The following SLC25A48 variants were observed in gnomAD, a reference collection of about 807,000 sequenced individuals.
SLC25A48 encodes solute carrier family 25 member 48, also known as CTC-321K16.1.
SLC25A48 carries 29 observed loss-of-function variants against 32.2 expected under a neutral mutation model. The ratio of observed to expected loss-of-function variants is 0.90; its 90% confidence interval spans 0.67 to 1.23. The LOEUF (loss-of-function observed/expected upper bound fraction) is 1.23, where lower values mean the gene tolerates loss of function less well. Among genes scored for constraint, SLC25A48 ranks in the 50% most tolerant of loss-of-function variants. The pLI is 0.00. For synonymous variants in SLC25A48, 164 were observed against 172.3 expected, an observed-to-expected ratio of 0.95 and a Z score of 0.38; for missense variants, 399 against 422.7, an observed-to-expected ratio of 0.94 and a Z score of 0.49.
At chr5:135,693,765 G>A (rs549720936) in intron 3 of SLC25A48, among the ~76,000 whole-genome samples, 1 of 152,268 alleles carries the variant, frequency 6.6e-6, no homozygotes, top group South Asian at 2.1e-4. Flanking sequence ...AAAAGGAGGG[G>A]GTCTGAGGGA....
chr5:135,853,677 C>G (rs547521219), intron 4 of SLC25A48, among the ~76,000 whole-genome samples: 2 of 152,320 alleles, frequency 1.3e-5, no homozygotes, highest in South Asian at 4.1e-4. Flanking sequence ...TCCATGGAAG[C>G]CTTGAAGCTC....
intron 3 of SLC25A48, among the ~76,000 whole-genome samples, chr5:135,800,270 T>C (rs1477248792): frequency 1.3e-5 from 2 of 151,856 alleles, no homozygotes; most frequent in Non-Finnish European, 2.9e-5. Flanking sequence ...GAGTTTGATG[T>C]TAGTCCAAAT....
chr5:135,866,040 C>T (rs1455176700), intron 4 of SLC25A48, among the ~76,000 whole-genome samples: 1 of 152,194 alleles, frequency 6.6e-6, no homozygotes, highest in Admixed American at 6.5e-5. Flanking sequence ...AAATGACTCC[C>T]ACTGGCTGAG....
At chr5:135,812,583 T>G (rs1757615629) in exon 4 of SLC25A48, 4 of 152,314 alleles carry the variant, frequency 2.6e-5, no homozygotes, top group African/African-American at 9.6e-5. Context: ...GATGTCTTCC[T>G]AGGACTCTCC....
intron 3 of SLC25A48, among the ~76,000 whole-genome samples, chr5:135,770,657 C>A (rs1467998154): frequency 6.6e-6 from 1 of 151,564 alleles, no homozygotes; most frequent in Non-Finnish European, 1.5e-5. Flanking sequence ...AAAGTGTACA[C>A]CCCCTCGCGA....
At chr5:135,664,278 A>T (rs1238447169) in intron 3 of SLC25A48, among the ~76,000 whole-genome samples, 1 of 152,214 alleles carries the variant, frequency 6.6e-6, no homozygotes, top group Non-Finnish European at 1.5e-5. Context: ...CTGATCCAGC[A>T]CATTGTGCCT....
At chr5:135,698,416 A>C (rs1251880896) in intron 3 of SLC25A48, among the ~76,000 whole-genome samples, 1 of 152,130 alleles carries the variant, frequency 6.6e-6, no homozygotes, top group Non-Finnish European at 1.5e-5. Context: ...CATGACTCTA[A>C]CAAAAGTCTT....
At chr5:135,639,223 C>T (rs1295489049) in intron 3 of SLC25A48, among the ~76,000 whole-genome samples, 2 of 152,156 alleles carry the variant, frequency 1.3e-5, no homozygotes, top group African/African-American at 2.4e-5. Context: ...TATAATGGTT[C>T]TAAGATCATC....
At chr5:135,886,605 ATATATATATATATATATATATATATATAT>A (rs1762724580) in intron 7 of SLC25A48, among the ~76,000 whole-genome samples, 6 of 19,180 alleles carry the variant, frequency 3.1e-4, no homozygotes, top group South Asian at 3.2e-3. Flanking sequence ...ATATATATAT[ATATATATATATATATATATATATATATAT>A]ATAAAATATA....
At chr5:135,706,446 T>C (rs1230504319) in intron 3 of SLC25A48, among the ~76,000 whole-genome samples, 2 of 152,148 alleles carry the variant, frequency 1.3e-5, no homozygotes, top group Admixed American at 6.5e-5. Flanking sequence ...TGGTTAACAA[T>C]ATTACCCACC....
intron 1 of SLC25A48, among the ~76,000 whole-genome samples, chr5:135,601,806 G>C (rs181067254): frequency 1.3e-5 from 2 of 152,348 alleles, no homozygotes; most frequent in South Asian, 4.1e-4. Context: ...GGGAGGTCAC[G>C]TGTGCAAGCT....
At chr5:135,640,459 A>G (rs749253278) in intron 3 of SLC25A48, among the ~76,000 whole-genome samples, 4 of 152,184 alleles carry the variant, frequency 2.6e-5, no homozygotes, top group Non-Finnish European at 4.4e-5. Flanking sequence ...ACCAAGGGAC[A>G]TTATAGTCAC....
At chr5:135,696,533 C>G (rs1580792882) in intron 3 of SLC25A48, among the ~76,000 whole-genome samples, 1 of 151,852 alleles carries the variant, frequency 6.6e-6, no homozygotes, top group African/African-American at 2.4e-5. Flanking sequence ...ATGATTAAAT[C>G]TAGAATCTTG....
chr5:135,880,021 G>C lies in SLC25A48; in HGVS notation c.867G>C (p.Ala289=). Residue 289 remains alanine, a synonymous_variant, in exon 7 of 8, where the codon GCG becomes GCC. Coordinates refer to ENST00000681962, the MANE Select transcript of SLC25A48 (RefSeq NM_001349336.2). ...CGGTGCGGGGCTTCCCCATGAGTGC[G>C]GCCATGTTCCTTGGGTACGAGCTGT... ...VNAVRGFPMS[A]AMFLGYELSL... 1 of 1,536,338 alleles carries C rather than the reference G, an allele frequency of 6.5e-7. No homozygotes were observed. The highest frequency in any genetic ancestry group is 1.2e-5 in the South Asian group (1 of 84,062).
chr5:135,873,963 C>A, intron 5 of SLC25A48, 58 bp from the exon 6 acceptor site: 1 of 1,469,894 alleles, frequency 6.8e-7, no homozygotes, highest in Non-Finnish European at 8.9e-7. Flanking sequence ...TGCAAGGAAC[C>A]AGGCCCCTCC....
intron 3 of SLC25A48, among the ~76,000 whole-genome samples, chr5:135,724,468 T>C (rs1755041452): frequency 1.3e-5 from 2 of 152,186 alleles, no homozygotes; most frequent in Admixed American, 1.3e-4. Context: ...GGTCTAAAGC[T>C]CGCAAGATGG....
intron 1 of SLC25A48, among the ~76,000 whole-genome samples, chr5:135,626,220 T>C (rs1161208316): frequency 3.3e-5 from 5 of 152,238 alleles, no homozygotes; most frequent in Non-Finnish European, 5.9e-5. Flanking sequence ...TGGGTGGCAA[T>C]GAGCTTATTT....
chr5:135,743,841 G>A (rs958209403), intron 3 of SLC25A48, among the ~76,000 whole-genome samples: 12 of 152,152 alleles, frequency 7.9e-5, no homozygotes, highest in Non-Finnish European at 1.3e-4. Context: ...CTAAACCTTT[G>A]AAGATGAATA....
intron 3 of SLC25A48, among the ~76,000 whole-genome samples, chr5:135,710,707 G>A (rs1754632692): frequency 6.6e-6 from 1 of 152,240 alleles, no homozygotes; most frequent in African/African-American, 2.4e-5. Flanking sequence ...GAAGCTCAGT[G>A]AATGTAACCT....
Sources: allele counts gnomAD v4.1 joint callset (sites outside exome capture counted in the v4.1 genomes callset), GRCh38; gene constraint gnomAD v4.1.1; transcripts MANE v1.5; gene names NCBI Gene and HGNC (gene_info 2026-07-23, HGNC 2026-07-21).